NBAS: variants seen among roughly 807,000 people sequenced by gnomAD.
NBAS encodes the protein NBAS subunit of NRZ tethering complex, also known as NAG/BC035112 fusion.
Under a neutral mutation model 302.5 loss-of-function variants are expected in NBAS, and 219 were observed. The observed-to-expected ratio is 0.72, with a 90% CI of 0.65 to 0.81. The LOEUF is 0.81. NBAS is among the 30% of genes least tolerant of loss of function. The probability of loss-of-function intolerance (pLI) is 0.00; values close to 1 mark genes in which losing one functional copy is unlikely to be tolerated. For synonymous variants in NBAS, 1,118 were observed against 1,021.6 expected, an observed-to-expected ratio of 1.09 and a Z score of -1.80; for missense variants, 2,932 against 2,841.6, an observed-to-expected ratio of 1.03 and a Z score of -0.72.
the NBAS span, among the ~76,000 whole-genome samples, chr2:15,034,557 A>G: frequency 6.6e-6 from 1 of 152,212 alleles, no homozygotes; most frequent in African/African-American, 2.4e-5. Flanking sequence ...CTTGACAAAA[A>G]GCAAAGAAAA....
the NBAS span, among the ~76,000 whole-genome samples, chr2:15,015,303 C>T: frequency 6.6e-6 from 1 of 151,828 alleles, no homozygotes; most frequent in Non-Finnish European, 1.5e-5. Context: ...ACTCTAATAC[C>T]AAAACAAAAA....
chr2:15,459,558 C>A (rs557288320), intron 21 of NBAS, among the ~76,000 whole-genome samples: 2 of 142,626 alleles, frequency 1.4e-5, no homozygotes, highest in East Asian at 4.0e-4. Context: ...TAGCTCACTG[C>A]AAGCTCTGTC....
chr2:14,847,972 G>T, the NBAS span, among the ~76,000 whole-genome samples: 2 of 152,154 alleles, frequency 1.3e-5, no homozygotes, highest in Non-Finnish European at 2.9e-5. Context: ...TCAAGAATGA[G>T]AGGAATTTTG....
At chr2:15,251,398 T>C (rs530511972) in intron 44 of NBAS, among the ~76,000 whole-genome samples, 73 of 152,270 alleles carry the variant, frequency 4.8e-4, no homozygotes, top group Admixed American at 4.7e-3. Flanking sequence ...ATGGCACATG[T>C]ATACCTATGA....
the NBAS span, among the ~76,000 whole-genome samples, chr2:14,782,482 A>G: frequency 1.3e-5 from 2 of 152,256 alleles, no homozygotes; most frequent in African/African-American, 4.8e-5. Flanking sequence ...TTGCAGAGAA[A>G]AGTGAACACT....
At chr2:15,517,382 T>C (rs1662449072) in intron 9 of NBAS, among the ~76,000 whole-genome samples, 1 of 152,014 alleles carries the variant, frequency 6.6e-6, no homozygotes, top group African/African-American at 2.4e-5. Flanking sequence ...ACATATACAA[T>C]GTGAAGGGAA....
chr2:15,263,688 C>G (rs1455483364), intron 44 of NBAS, among the ~76,000 whole-genome samples: 2 of 93,496 alleles, frequency 2.1e-5, no homozygotes, highest in Admixed American at 9.8e-5. Context: ...GACAAATACC[C>G]TCATCAGTTA....
At chr2:15,213,119 A>C (rs1666494050) in intron 48 of NBAS, among the ~76,000 whole-genome samples, 1 of 152,180 alleles carries the variant, frequency 6.6e-6, no homozygotes, top group Admixed American at 6.5e-5. Context: ...TTAGACAAGG[A>C]AATTGAGGTT....
At chr2:15,279,808 A>C (rs1669746204) in intron 42 of NBAS, among the ~76,000 whole-genome samples, 1 of 152,180 alleles carries the variant, frequency 6.6e-6, no homozygotes, top group African/African-American at 2.4e-5. Context: ...AGTAATCAAT[A>C]GCTCATTTTA....
the NBAS span, among the ~76,000 whole-genome samples, chr2:14,830,680 G>C: frequency 6.6e-6 from 1 of 152,156 alleles, no homozygotes; most frequent in African/African-American, 2.4e-5. Flanking sequence ...CCTTGTGAGC[G>C]TGCAGCTGTG....
chr2:14,968,344 T>C, the NBAS span, among the ~76,000 whole-genome samples: 1 of 152,024 alleles, frequency 6.6e-6, no homozygotes, highest in Non-Finnish European at 1.5e-5. Context: ...TGTATACAAA[T>C]AACAATAAGG....
At chr2:14,922,004 A>G in the NBAS span, among the ~76,000 whole-genome samples, 1 of 152,188 alleles carries the variant, frequency 6.6e-6, no homozygotes, top group Non-Finnish European at 1.5e-5. Flanking sequence ...CCAGGAACCC[A>G]AGGAGGCATC....
the NBAS span, among the ~76,000 whole-genome samples, chr2:14,973,524 A>G: frequency 6.6e-6 from 1 of 152,210 alleles, no homozygotes. Flanking sequence ...AAAAACAGAG[A>G]GAGAATTTTA....
At chr2:15,111,086 A>G in the NBAS span, among the ~76,000 whole-genome samples, 2 of 152,302 alleles carry the variant, frequency 1.3e-5, no homozygotes, top group East Asian at 3.9e-4. Flanking sequence ...AATTGGAAGA[A>G]TAACGGGAGA....
chr2:15,335,075 G>A (rs978654180), intron 35 of NBAS, among the ~76,000 whole-genome samples: 2 of 150,636 alleles, frequency 1.3e-5, no homozygotes, highest in African/African-American at 2.5e-5. Flanking sequence ...TCAACTCCAC[G>A]CCTGTAATCC....
chr2:14,783,375 T>G, the NBAS span, among the ~76,000 whole-genome samples: 1 of 151,698 alleles, frequency 6.6e-6, no homozygotes, highest in Admixed American at 6.6e-5. Flanking sequence ...AATGTGCAGG[T>G]TAGTTACATA....
At chr2:14,808,591 T>G in the NBAS span, among the ~76,000 whole-genome samples, 1 of 152,210 alleles carries the variant, frequency 6.6e-6, no homozygotes, top group African/African-American at 2.4e-5. Flanking sequence ...CCTTCTGCCA[T>G]GATTGTGAGG....
the NBAS span, among the ~76,000 whole-genome samples, chr2:15,028,789 A>C: frequency 6.6e-6 from 1 of 152,196 alleles, no homozygotes; most frequent in Non-Finnish European, 1.5e-5. Context: ...CCCCAATCTC[A>C]GTTTTAAAGA....
chr2:15,474,958 G>A (rs1248118978), intron 14 of NBAS, among the ~76,000 whole-genome samples: 1 of 152,074 alleles, frequency 6.6e-6, no homozygotes, highest in Non-Finnish European at 1.5e-5. Flanking sequence ...TGTCTCTTTA[G>A]AGAATGAACA....
Sources: allele counts gnomAD v4.1 joint callset (sites outside exome capture counted in the v4.1 genomes callset), GRCh38; gene constraint gnomAD v4.1.1; transcripts MANE v1.5; gene names NCBI Gene and HGNC (gene_info 2026-07-23, HGNC 2026-07-21).